ERBB4: variants seen among roughly 807,000 people sequenced by gnomAD.
ERBB4 encodes receptor tyrosine-protein kinase erbB-4.
In ERBB4, 42 loss-of-function variants were observed where a neutral mutation model predicts 158.0. The observed-to-expected ratio is 0.27, with a 90% CI of 0.21 to 0.34. The LOEUF is 0.34. Ranked by LOEUF, ERBB4 falls within the 10% of genes least tolerant of loss-of-function variation. The probability of loss-of-function intolerance (pLI) is 1.00; values close to 1 mark genes in which losing one functional copy is unlikely to be tolerated. For synonymous variants in ERBB4, 583 were observed against 558.7 expected (o/e 1.04, Z -0.61); for missense variants, 1,333 against 1,624.1 (o/e 0.82, Z 3.08).
intron 2 of ERBB4, among the ~76,000 whole-genome samples, chr2:212,120,679 ATTAAAGTAATTTC>A (rs1248851277): frequency 6.6e-6 from 1 of 152,204 alleles, no homozygotes; most frequent in Non-Finnish European, 1.5e-5. Flanking sequence ...TCCTTTAAAA[ATTAAAGTAATTTC>A]TTAAGTTCCT....
At chr2:212,192,976 C>G (rs1012159405) in intron 1 of ERBB4, among the ~76,000 whole-genome samples, 5 of 152,138 alleles carry the variant, frequency 3.3e-5, no homozygotes, top group African/African-American at 1.2e-4. Flanking sequence ...TTTACGAAAG[C>G]TCCCTTTTGT....
chr2:211,428,591 T>C, intron 21 of ERBB4, 108 bp from the exon 22 acceptor site: 1 of 650,940 alleles, frequency 1.5e-6, no homozygotes, highest in East Asian at 2.9e-5. Flanking sequence ...ATTTTTTTAT[T>C]ATGTGTGTAT....
At chr2:211,839,329 G>T (rs1241093089) in intron 3 of ERBB4, among the ~76,000 whole-genome samples, 3 of 151,534 alleles carry the variant, frequency 2.0e-5, no homozygotes, top group African/African-American at 7.3e-5. Flanking sequence ...CACTTAAAAA[G>T]TAGCTCTTCA....
intron 1 of ERBB4, among the ~76,000 whole-genome samples, chr2:212,416,568 T>C (rs1328688078): frequency 1.3e-5 from 2 of 152,202 alleles, no homozygotes; most frequent in African/African-American, 2.4e-5. Flanking sequence ...CCTCACATAA[T>C]ATATTCGTAT....
At chr2:211,979,588 C>T (rs1022582244) in intron 2 of ERBB4, among the ~76,000 whole-genome samples, 1 of 152,018 alleles carries the variant, frequency 6.6e-6, no homozygotes, top group African/African-American at 2.4e-5. Context: ...TTTTCTTTCT[C>T]CTGGGCCACT....
chr2:211,566,075 G>A (rs2067537219), intron 19 of ERBB4, among the ~76,000 whole-genome samples: 2 of 152,286 alleles, frequency 1.3e-5, no homozygotes, highest in East Asian at 1.9e-4. Context: ...ACTTTGAGGC[G>A]TCACGCCTAG....
At chr2:212,191,097 A>C (rs2082174701) in intron 1 of ERBB4, among the ~76,000 whole-genome samples, 1 of 152,088 alleles carries the variant, frequency 6.6e-6, no homozygotes. Flanking sequence ...GCAAGTATAA[A>C]ATTTCACTAG....
chr2:211,456,982 G>T (rs960836854), intron 20 of ERBB4, among the ~76,000 whole-genome samples: 2 of 152,188 alleles, frequency 1.3e-5, no homozygotes, highest in African/African-American at 4.8e-5. Flanking sequence ...ACTCATAAAA[G>T]TGACAATTTA....
At chr2:212,273,973 T>A (rs2085435081) in intron 1 of ERBB4, among the ~76,000 whole-genome samples, 3 of 151,828 alleles carry the variant, frequency 2.0e-5, no homozygotes, top group Non-Finnish European at 4.4e-5. Context: ...CAAAACTTAA[T>A]ATCCTACTGT....
At chr2:211,712,207 T>A (rs200151213) in intron 8 of ERBB4, 31 bp from the exon 9 acceptor site, 2 of 1,612,054 alleles carry the variant, frequency 1.2e-6, no homozygotes, top group East Asian at 4.5e-5. Context: ...GTTAGGGGAT[T>A]GAGAAACTTA....
intron 3 of ERBB4, among the ~76,000 whole-genome samples, chr2:211,930,601 C>T (rs1182670784): frequency 6.6e-6 from 1 of 151,998 alleles, no homozygotes; most frequent in Non-Finnish European, 1.5e-5. Context: ...TGACAGAGAC[C>T]CAGCCGTGTT....
At position 211,884,921 on chromosome 2, in the gene ERBB4, A is replaced by G. The variant is rs181289318; in HGVS notation, c.421+62509T>C. ...TTAGAGTCAACAATAGTATTACTCT[A>G]TTCTCTTTTTTTCTGAAAAATAAAA... On this transcript the variant is annotated intron_variant, in intron 3 of 27. Transcript: ENST00000342788. Among the ~76,000 whole-genome samples, 514 of 152,288 alleles carry G rather than the reference A, an allele frequency of 3.4e-3. 2 individuals are homozygous for G. Among genetic ancestry groups the G allele is most frequent in the Non-Finnish European group, 4.9e-3 (335 of 68,020 alleles).
At chr2:211,776,329 C>A (rs1218383371) in intron 4 of ERBB4, among the ~76,000 whole-genome samples, 1 of 152,078 alleles carries the variant, frequency 6.6e-6, no homozygotes, top group Non-Finnish European at 1.5e-5. Context: ...GTTAACCAAC[C>A]CTAAATATTA....
At chr2:212,315,397 A>G (rs1354225861) in intron 1 of ERBB4, among the ~76,000 whole-genome samples, 2 of 151,430 alleles carry the variant, frequency 1.3e-5, no homozygotes, top group East Asian at 3.9e-4. Context: ...ATAGACACAC[A>G]TACACAAGTA....
intron 2 of ERBB4, among the ~76,000 whole-genome samples, chr2:212,124,139 CA>C: frequency 6.6e-6 from 1 of 151,948 alleles, no homozygotes; most frequent in African/African-American, 2.4e-5. Flanking sequence ...TCAATGAAAG[CA>C]AAAAATAATA....
At chr2:211,772,955 A>ATATATATTT (rs1553630145) in intron 4 of ERBB4, among the ~76,000 whole-genome samples, 39 of 83,288 alleles carry the variant, frequency 4.7e-4, no homozygotes, top group Admixed American at 1.1e-3. Context: ...ATATATATAT[A>ATATATATTT]TTTTTTTTTT....
At chr2:211,888,863 T>G (rs1201192958) in intron 3 of ERBB4, among the ~76,000 whole-genome samples, 3 of 151,588 alleles carry the variant, frequency 2.0e-5, no homozygotes, top group African/African-American at 7.3e-5. Flanking sequence ...CGGCGAACCA[T>G]GAGATTATAT....
At chr2:211,536,287 G>T (rs1323788602) in intron 20 of ERBB4, among the ~76,000 whole-genome samples, 1 of 152,056 alleles carries the variant, frequency 6.6e-6, no homozygotes, top group Non-Finnish European at 1.5e-5. Flanking sequence ...TGTTTACCAT[G>T]TCTGAATCTA....
Position 211,378,449 on chromosome 2 carries a change from A to G in ERBB4, c.*5166T>C. On this transcript the variant is annotated 3_prime_UTR_variant, in exon 28 of 28. Transcript: ENST00000342788. The stretch of plus-strand genomic sequence containing the variant: ...GAACCGAGTATCTGAAATTTCTATT[A>G]TTTTAGAGAGACTTTTAATGAAAAG... 4.3e-6 allele frequency: 1 copy of G among 232,726 alleles called. No homozygotes were observed. Among genetic ancestry groups the G allele is most frequent in the Non-Finnish European group, 8.5e-6 (1 of 117,376 alleles). The allele number at this position is 232,726 out of a possible 1,614,324, so 14.4% of individuals were successfully genotyped here.
Sources: allele counts gnomAD v4.1 joint callset (sites outside exome capture counted in the v4.1 genomes callset), GRCh38; gene constraint gnomAD v4.1.1; transcripts MANE v1.5; gene names NCBI Gene and HGNC (gene_info 2026-07-23, HGNC 2026-07-21).